The following FGD3 variants were observed in gnomAD, a reference collection of about 807,000 sequenced individuals.
The protein encoded by FGD3 is FYVE, RhoGEF and PH domain containing 3.
Under a neutral mutation model 71.8 loss-of-function variants are expected in FGD3, and 45 were observed. That is an observed-to-expected ratio of 0.63 (90% CI 0.49 to 0.80). The LOEUF is 0.80. Among genes scored for constraint, FGD3 ranks in the 30% least tolerant of loss-of-function variants. The pLI, the probability that FGD3 is intolerant of heterozygous loss-of-function variation, is 0.00. For missense variants in FGD3, 844 were observed against 951.5 expected, an observed-to-expected ratio of 0.89 and a Z score of 1.49; for synonymous variants, 378 against 392.8, an observed-to-expected ratio of 0.96 and a Z score of 0.44.
intron 14 of FGD3, among the ~76,000 whole-genome samples, chr9:93,028,466 C>T (rs1862221514): frequency 6.6e-6 from 1 of 151,792 alleles, no homozygotes; most frequent in Non-Finnish European, 1.5e-5. Context: ...ATATCTTTGC[C>T]TTTTCCTAAA....
At chr9:93,035,134 C>T (rs1208309013) in intron 17 of FGD3, among the ~76,000 whole-genome samples, 4 of 152,186 alleles carry the variant, frequency 2.6e-5, no homozygotes, top group Admixed American at 1.3e-4. Context: ...ATATCTCCCT[C>T]GGGAAGAACC....
At chr9:92,997,258 T>C (rs1388463591) in intron 3 of FGD3, among the ~76,000 whole-genome samples, 1 of 152,230 alleles carries the variant, frequency 6.6e-6, no homozygotes, top group East Asian at 1.9e-4. Context: ...TTGATCTTTG[T>C]TGGTTTAAAG....
chr9:92,949,779 A>G (rs1386944859), intron 1 of FGD3, among the ~76,000 whole-genome samples: 2 of 152,046 alleles, frequency 1.3e-5, no homozygotes, highest in Admixed American at 6.5e-5. Flanking sequence ...TTCCTCCACA[A>G]CACCCCTGTT....
intron 1 of FGD3, among the ~76,000 whole-genome samples, chr9:92,962,970 T>A (rs975499103): frequency 6.7e-6 from 1 of 148,708 alleles, no homozygotes; most frequent in African/African-American, 2.4e-5. Context: ...AAGAAAAGAT[T>A]AAGTTCAGCA....
chr9:93,001,061 GCTGTCAAACCCCT>G (rs1250459697), intron 3 of FGD3, among the ~76,000 whole-genome samples: 1 of 151,668 alleles, frequency 6.6e-6, no homozygotes, highest in African/African-American at 2.4e-5. Flanking sequence ...GATCAAGTCT[GCTGTCAAACCCCT>G]CTTAAAAATT....
intron 3 of FGD3, among the ~76,000 whole-genome samples, chr9:92,981,398 GA>G (rs1183413479): frequency 6.7e-6 from 1 of 149,170 alleles, no homozygotes; most frequent in African/African-American, 2.5e-5. Flanking sequence ...AAAAAAGAAA[GA>G]AAAAGTTTGT....
chr9:92,971,242 C>T (rs963155796), intron 1 of FGD3, among the ~76,000 whole-genome samples: 1 of 152,144 alleles, frequency 6.6e-6, no homozygotes, highest in African/African-American at 2.4e-5. Context: ...TACAGAGTTG[C>T]AAACGCAAAG....
At chr9:93,023,322 G>A (rs1380773492) in intron 14 of FGD3, among the ~76,000 whole-genome samples, 2 of 152,148 alleles carry the variant, frequency 1.3e-5, no homozygotes, top group East Asian at 1.9e-4. Context: ...TGGGCTGGCC[G>A]GGCACTGGGA....
At position 92,976,329 on chromosome 9, in the gene FGD3, GGC is replaced by G; in HGVS notation, c.74_75del (p.Gly25GlufsTer43). ...AALGMPDTGPGSSSLGKLQAL... is the reference protein window; with the variant it reads ...AALGMPDTGPXSSSLGKLQAL... ...CCTAGGGATGCCAGACACTGGGCCT[GGC>G]AGTTCCTCCCTAGGGAAGCTTCAGG... On this transcript the variant is annotated frameshift_variant, in exon 3 of 18. Coordinates refer to ENST00000375482, the MANE Select transcript of FGD3 (RefSeq NM_001083536.2). LOFTEE classifies it high-confidence loss of function. 1.2e-6 allele frequency: 2 copies of G among 1,610,580 alleles called. No homozygotes were observed. The highest frequency in any genetic ancestry group is 1.7e-6 in the Non-Finnish European group (2 of 1,178,920).
rs1486820296 is a variant in FGD3, at chr9:92,991,473, CTTG to C, written c.454-11445_454-11443del. Among the ~76,000 whole-genome samples the C allele has an allele frequency of 4.6e-5, 7 of 152,112 alleles. No individual in the cohort carries two copies. The East Asian group carries it at 5.8e-4, about 13-fold the overall frequency. On this transcript the variant is annotated intron_variant, in intron 3 of 17. Transcript: ENST00000375482. ...TATTGATATAGCTTTGAATGTTTCTCTTGTTGTTGATGTCTAGTTTTATTCCAT... is the reference window on the plus strand; with the variant it reads ...TATTGATATAGCTTTGAATGTTTCTCTTGTTGATGTCTAGTTTTATTCCAT...
At chr9:92,956,834 C>CTTTTTTTTTTTTTTTTTT (rs34469364) in intron 1 of FGD3, among the ~76,000 whole-genome samples, 1 of 127,748 alleles carries the variant, frequency 7.8e-6, no homozygotes, top group Non-Finnish European at 1.6e-5. Flanking sequence ...TAATTGCTTT[C>CTTTTTTTTTTTTTTTTTT]TTTCTTTTTT....
intron 3 of FGD3, among the ~76,000 whole-genome samples, chr9:92,998,937 G>A (rs1436816543): frequency 6.6e-6 from 1 of 152,214 alleles, no homozygotes; most frequent in East Asian, 1.9e-4. Context: ...CACTTGAGGA[G>A]GCAGTCTGTC....
At chr9:93,011,327 C>T in intron 8 of FGD3, 55 bp downstream of exon 8, 1 of 1,606,144 alleles carries the variant, frequency 6.2e-7, no homozygotes, top group Non-Finnish European at 8.5e-7. Flanking sequence ...GAGTGAGGGC[C>T]AGGGGCCCTT....
Position 93,010,391 on chromosome 9 carries a change from TG to T in FGD3, c.976+11del. On this transcript the variant is annotated splice_region_variant and intron_variant, in intron 7 of 17. Coordinates refer to ENST00000375482, the MANE Select transcript of FGD3 (RefSeq NM_001083536.2). Reference sequence around the variant, plus strand: ...GACCGGAAGGATGCGGAGAGTGAGCTGGGGCCAAGGGCTCCCAGGAGGGTGC... The same window carrying T: ...GACCGGAAGGATGCGGAGAGTGAGCTGGGCCAAGGGCTCCCAGGAGGGTGC... The T allele has an allele frequency of 6.2e-7, 1 of 1,601,550 alleles. No individual in the cohort carries two copies. The highest frequency in any genetic ancestry group is 1.7e-4 in the Middle Eastern group (1 of 5,986).
At chr9:93,017,066 C>A (rs912397206) in intron 10 of FGD3, among the ~76,000 whole-genome samples, 3 of 152,104 alleles carry the variant, frequency 2.0e-5, no homozygotes, top group African/African-American at 7.2e-5. Flanking sequence ...CCCAGGAGTT[C>A]GGGACCAGCC....
chr9:92,953,995 TG>T (rs1859004935), intron 1 of FGD3, among the ~76,000 whole-genome samples: 1 of 152,198 alleles, frequency 6.6e-6, no homozygotes, highest in Admixed American at 6.5e-5. Flanking sequence ...CTTCGATTCT[TG>T]TATTTTTAAA....
chr9:93,002,955 G>A lies in FGD3; in HGVS notation c.484G>A (p.Ala162Thr), dbSNP rs1202586870. The change falls in exon 4 of 18, where the codon GCC becomes ACC. Residue 162 changes from alanine (A) to threonine (T), a missense_variant. By Grantham distance (58) the Ala-to-Thr change is moderately conservative (BLOSUM62 0). Transcript: ENST00000375482. ...HSGPQKLLHIAQELLHTEETY... is the reference protein window; with the variant it reads ...HSGPQKLLHITQELLHTEETY... ...TGGCCCCCAGAAGCTTCTCCACATT[G>A]CCCAGGAGCTCCTGCACACCGAGGA... 6.8e-6 allele frequency: 11 copies of A among 1,613,852 alleles called. No individual in the cohort carries two copies. The African/African-American group carries it at 1.2e-4, about 18-fold the overall frequency.
chr9:92,979,723 C>A (rs1234396900), intron 3 of FGD3, among the ~76,000 whole-genome samples: 1 of 152,122 alleles, frequency 6.6e-6, no homozygotes, highest in Non-Finnish European at 1.5e-5. Context: ...TCAGTGAAGC[C>A]ATCTGGTCCT....
chr9:93,008,152 C>G (rs1407593209), intron 6 of FGD3, among the ~76,000 whole-genome samples: 1 of 152,042 alleles, frequency 6.6e-6, no homozygotes, highest in African/African-American at 2.4e-5. Context: ...TCCCTCTAAA[C>G]TCATACAGAT....
Sources: allele counts gnomAD v4.1 joint callset (sites outside exome capture counted in the v4.1 genomes callset), GRCh38; gene constraint gnomAD v4.1.1; transcripts MANE v1.5; gene names NCBI Gene and HGNC (gene_info 2026-07-23, HGNC 2026-07-21).